CAMKK2: variants seen among roughly 807,000 people sequenced by gnomAD.
The protein encoded by CAMKK2 is calcium/calmodulin dependent protein kinase kinase 2, also known as calcium/calmodulin-dependent protein kinase kinase 2.
In CAMKK2, 30 loss-of-function variants were observed where a neutral mutation model predicts 67.2. That is an observed-to-expected ratio of 0.45 (90% CI 0.33 to 0.61). The LOEUF is 0.61. Among genes scored for constraint, CAMKK2 ranks in the 20% least tolerant of loss-of-function variants. The pLI is 0.02. For synonymous variants in CAMKK2, 322 were observed against 326.2 expected (o/e 0.99, Z 0.14); for missense variants, 643 against 802.0 (o/e 0.80, Z 2.39).
In CAMKK2 at chr12:121,239,819, C is replaced by T. The variant is rs1395048537; in HGVS notation, c.*880G>A. On this transcript the variant is annotated 3_prime_UTR_variant, in exon 17 of 17. Transcript: ENST00000404169. The stretch of plus-strand genomic sequence containing the variant: ...TTCTGAACTACTGTGCTCTAGAGTT[C>T]ACTCTAGTTAGAGACTTGAAAAATG... 1 of 152,618 alleles carries T rather than the reference C, an allele frequency of 6.6e-6. No homozygotes were observed. The highest frequency in any genetic ancestry group is 6.5e-5 in the Admixed American group (1 of 15,334). The allele number at this position is 152,618 out of a possible 1,614,324, so 9.5% of individuals were successfully genotyped here.
chr12:121,295,418 A>C (rs943670892), intron 1 of CAMKK2, among the ~76,000 whole-genome samples: 2 of 152,206 alleles, frequency 1.3e-5, no homozygotes, highest in Admixed American at 6.5e-5. Flanking sequence ...CTGAAACTGC[A>C]TGTTTTTGTG....
At chr12:121,262,118 A>C (rs1282107210) in intron 6 of CAMKK2, among the ~76,000 whole-genome samples, 2 of 152,278 alleles carry the variant, frequency 1.3e-5, no homozygotes, top group African/African-American at 4.8e-5. Context: ...ATGCAAAAGC[A>C]GAGATGAGAA....
rs1169140802 is a variant in CAMKK2 at position 121,248,742 on chromosome 12, G to A, written c.1324-8C>T. 6 of 1,613,776 alleles carry A rather than the reference G, an allele frequency of 3.7e-6. No homozygotes were observed. The highest frequency in any genetic ancestry group is 2.2e-5 in the East Asian group (1 of 44,882). ...CGTGACCCAGGGGTGCAGCTTCAAC[G>A]AACGACAGGAGGGGTGAGGGGCAGG... On this transcript the variant is annotated splice_region_variant and splice_polypyrimidine_tract_variant and intron_variant, in intron 13 of 16. Transcript: ENST00000404169.
chr12:121,277,735 G>A (rs1012066805), intron 1 of CAMKK2, among the ~76,000 whole-genome samples: 1 of 152,188 alleles, frequency 6.6e-6, no homozygotes, highest in Admixed American at 6.5e-5. Context: ...GGGAGGCCAA[G>A]GCAGGCAGAT....
At chr12:121,252,810 C>CT in intron 10 of CAMKK2, 96 bp from the exon 11 acceptor site, 1 of 1,275,706 alleles carries the variant, frequency 7.8e-7, no homozygotes, top group African/African-American at 1.5e-5. Flanking sequence ...ACTTTCAGCC[C>CT]TTGGAGTTGG....
intron 1 of CAMKK2, among the ~76,000 whole-genome samples, chr12:121,281,774 C>G (rs907795538): frequency 1.3e-5 from 2 of 152,118 alleles, no homozygotes; most frequent in African/African-American, 4.8e-5. Flanking sequence ...TGGTGAAACC[C>G]CGTCTCTACT....
chr12:121,255,382 T>TTATATATATAATTTTATA (rs1555251242), intron 9 of CAMKK2, among the ~76,000 whole-genome samples, 168 bp downstream of exon 9: 3 of 30,690 alleles, frequency 9.8e-5, no homozygotes, highest in East Asian at 9.4e-4. Context: ...ATATATAATT[T>TTATATATATAATTTTATA]TATATATATA....
chr12:121,240,748 G>A lies in CAMKK2; in HGVS notation c.1718C>T (p.Pro573Leu). The A allele has an allele frequency of 6.2e-7, 1 of 1,608,934 alleles. No homozygotes were observed. Among genetic ancestry groups the A allele is most frequent in the Non-Finnish European group, 8.5e-7 (1 of 1,178,984 alleles). ...CGGCCGCAGTGGATGCATGCGTGCG[G>A]GGGAGCCGGGGGCGGGGGCCCAGCA... ...ESCWAPAPGS[P>L]ARMHPLRPEE... is the part of the protein sequence containing the mutation. Residue 573 changes from proline (P) to leucine (L), a missense_variant, in exon 17 of 17, where the codon CCC becomes CTC. By Grantham distance (98) the Pro-to-Leu change is moderately conservative (BLOSUM62 -3). Transcript: ENST00000404169. This position sits in a 1 kb window ranked among gnomAD's most constrained non-coding sequence, Gnocchi z 4.4.
chr12:121,249,740 T>G, intron 13 of CAMKK2, 47 bp downstream of exon 13: 2 of 1,527,200 alleles, frequency 1.3e-6, no homozygotes, highest in Non-Finnish European at 1.8e-6. Context: ...GAGGCATGGC[T>G]GAGCCAAACA....
chr12:121,250,190 G>A (rs1029548114), intron 11 of CAMKK2, among the ~76,000 whole-genome samples, 156 bp from the exon 12 acceptor site: 9 of 152,126 alleles, frequency 5.9e-5, no homozygotes, highest in African/African-American at 9.7e-5. Flanking sequence ...CCCCGAGAAT[G>A]GCCAAGACAC....
intron 1 of CAMKK2, among the ~76,000 whole-genome samples, chr12:121,284,352 T>C (rs889382586): frequency 3.9e-5 from 6 of 152,172 alleles, no homozygotes; most frequent in African/African-American, 1.4e-4. Context: ...TGAGATGGAG[T>C]CTCGCTCTGT....
At chr12:121,265,744 G>C (rs1176538091) in intron 5 of CAMKK2, among the ~76,000 whole-genome samples, 7 of 151,974 alleles carry the variant, frequency 4.6e-5, no homozygotes, top group African/African-American at 1.7e-4. Flanking sequence ...TGTAGCCCCA[G>C]CTACTTGGGA....
intron 1 of CAMKK2, among the ~76,000 whole-genome samples, chr12:121,293,929 TTTG>T (rs1900619323): frequency 6.6e-6 from 1 of 151,622 alleles, no homozygotes; most frequent in Non-Finnish European, 1.5e-5. Context: ...GTGATTTTTT[TTTG>T]TTTTTTGTTT....
At chr12:121,272,013 T>G (rs1429645682) in intron 2 of CAMKK2, among the ~76,000 whole-genome samples, 1 of 151,958 alleles carries the variant, frequency 6.6e-6, no homozygotes, top group African/African-American at 2.4e-5. Context: ...CCTAGCCTAT[T>G]TTGTTTTTTG....
intron 2 of CAMKK2, among the ~76,000 whole-genome samples, chr12:121,273,559 G>A (rs957590687): frequency 3.3e-5 from 5 of 151,978 alleles, no homozygotes; most frequent in Admixed American, 1.3e-4. Context: ...GCGGGTCGTC[G>A]CCAGGCTCTC....
intron 1 of CAMKK2, among the ~76,000 whole-genome samples, chr12:121,289,743 A>C (rs1899593613): frequency 6.6e-6 from 1 of 152,136 alleles, no homozygotes; most frequent in Admixed American, 6.5e-5. Flanking sequence ...AAATACAAAA[A>C]TTAGCCAGGC....
At chr12:121,259,974 C>T (rs1476722494) in intron 7 of CAMKK2, among the ~76,000 whole-genome samples, 1 of 152,156 alleles carries the variant, frequency 6.6e-6, no homozygotes, top group Non-Finnish European at 1.5e-5. Context: ...TCCAGCTACT[C>T]AGGAGGCTGA....
At chr12:121,273,985 C>T (rs1896278436) in intron 2 of CAMKK2, 71 bp downstream of exon 2, 1 of 1,188,566 alleles carries the variant, frequency 8.4e-7, no homozygotes, top group Non-Finnish European at 1.2e-6. Context: ...CAACCTTCCA[C>T]AGAGGCCCTG....
chr12:121,289,652 G>A (rs1158803516), intron 1 of CAMKK2, among the ~76,000 whole-genome samples: 10 of 152,252 alleles, frequency 6.6e-5, no homozygotes, highest in African/African-American at 1.2e-4. Context: ...CAGCACTTTC[G>A]GAGACTGAGG....
Sources: allele counts gnomAD v4.1 joint callset (sites outside exome capture counted in the v4.1 genomes callset), GRCh38; gene constraint gnomAD v4.1.1; non-coding constraint Gnocchi (gnomAD v3.1); transcripts MANE v1.5; gene names NCBI Gene and HGNC (gene_info 2026-07-23, HGNC 2026-07-21).